Variants in CROCC observed in about 807,000 individuals in gnomAD.
CROCC encodes the protein ciliary rootlet coiled-coil, rootletin, also known as rootletin.
In CROCC, 180 loss-of-function variants were observed where a neutral mutation model predicts 245.2. That is an observed-to-expected ratio of 0.73 (90% CI 0.65 to 0.83). CROCC has a LOEUF of 0.83. Among genes scored for constraint, CROCC ranks in the 40% least tolerant of loss-of-function variants. The pLI is 0.00. For synonymous variants in CROCC, 1,205 were observed against 1,241.6 expected, an observed-to-expected ratio of 0.97 and a Z score of 0.62; for missense variants, 2,688 against 2,779.4, an observed-to-expected ratio of 0.97 and a Z score of 0.74.
rs775932495 is a variant in CROCC at position 16,946,910 on chromosome 1, G to A, written c.2433G>A (p.Ala811=). 1.2e-5 allele frequency: 18 copies of A among 1,564,532 alleles called. No individual in the cohort carries two copies. The highest frequency in any genetic ancestry group is 1.9e-5 in the Admixed American group (1 of 52,348). Residue 811 remains alanine, a synonymous_variant, in exon 17 of 37, where the codon GCG becomes GCA. Coordinates refer to ENST00000375541, the MANE Select transcript of CROCC (RefSeq NM_014675.5). ...RQGLEGSLRV[A]EQAQEALEQQ... is the part of the protein sequence containing the mutation. Reference sequence around the variant, plus strand: ...GCCTGGAGGGCTCCCTACGAGTGGCGGAGCAGGCCCAGGAGGCATTGGAGC... The same window carrying A: ...GCCTGGAGGGCTCCCTACGAGTGGCAGAGCAGGCCCAGGAGGCATTGGAGC...
At chr1:16,915,366 C>A (rs1163676267) in intron 1 of CROCC, among the ~76,000 whole-genome samples, 1 of 152,296 alleles carries the variant, frequency 6.6e-6, no homozygotes, top group African/African-American at 2.4e-5. Context: ...TTAGCCCATG[C>A]ACTGTGGAAG....
intron 36 of CROCC, 92 bp downstream of exon 36, chr1:16,971,739 A>T (rs2076525477): frequency 1.6e-6 from 2 of 1,256,666 alleles, no homozygotes; most frequent in Non-Finnish European, 1.1e-6. Flanking sequence ...GGGTATAGGC[A>T]GTCGATGGCT....
upstream of CROCC, among the ~76,000 whole-genome samples, chr1:16,917,053 G>A (rs1299281462): frequency 6.6e-6 from 1 of 152,296 alleles, no homozygotes; most frequent in African/African-American, 2.4e-5. Context: ...AGGAGGCGGA[G>A]GTTGCAGTCA....
chr1:16,937,225 T>C (rs1229333428), intron 9 of CROCC, among the ~76,000 whole-genome samples: 18 of 152,236 alleles, frequency 1.2e-4, no homozygotes, highest in Admixed American at 1.2e-3. Context: ...TGGTGGCGCG[T>C]GCCTGTAATC....
chr1:16,922,526 A>C lies in CROCC; in HGVS notation c.61-137A>C, dbSNP rs1311107242. ...TTTGCATGGGGATTTTTTGGATTCT[A>C]ACTCCCAGGCTTCACTCCATCTTGA... On this transcript the variant is annotated intron_variant, in intron 1 of 36. Coordinates refer to ENST00000375541, the MANE Select transcript of CROCC (RefSeq NM_014675.5). The C allele has an allele frequency of 3.9e-6, 5 of 1,297,912 alleles. No individual in the cohort carries two copies. In the African/African-American group the frequency reaches 4.4e-5, roughly 11 times the overall value. The allele number at this position is 1,297,912 out of a possible 1,614,324, so 80.4% of individuals were successfully genotyped here. A position where few individuals can be genotyped will look rare whatever the true frequency, so the allele number is the denominator to read the frequency against.
rs78709923 is a variant in CROCC at position 16,936,421 on chromosome 1, C to G, written c.957-216C>G. Among the ~76,000 whole-genome samples the G allele has an allele frequency of 3.3e-5, 5 of 152,388 alleles. No homozygotes were observed. The East Asian group carries it at 9.6e-4, about 29-fold the overall frequency. ...CGGCTGGGACTACAGAAGTGCGCCACCATGCCTGGCTAATTTTTTGTATTT... is the reference window on the plus strand; with the variant it reads ...CGGCTGGGACTACAGAAGTGCGCCAGCATGCCTGGCTAATTTTTTGTATTT... On this transcript the variant is annotated intron_variant, in intron 8 of 36. Coordinates refer to ENST00000375541, the MANE Select transcript of CROCC (RefSeq NM_014675.5).
chr1:16,925,995 A>C (rs1400002084), intron 3 of CROCC, among the ~76,000 whole-genome samples: 1 of 152,262 alleles, frequency 6.6e-6, no homozygotes, highest in Admixed American at 6.5e-5. Context: ...TTCTGAAGCT[A>C]GCCCTGCCCC....
In CROCC at chr1:16,970,430, G is replaced by A. The variant is rs1251554286; in HGVS notation, c.5629G>A (p.Ala1877Thr). Residue 1877 changes from alanine (A) to threonine (T), a missense_variant, in exon 34 of 37, where the codon GCC becomes ACC. By Grantham distance (58) the Ala-to-Thr change is moderately conservative. Around this residue, in one of 9 missense-constraint regions of CROCC, gnomAD observed 1,218 missense variants for 1,286.3 expected, o/e 0.95. Transcript: ENST00000375541. The part of the protein sequence containing the change: ...SALRLEKDRV[A>T]LRRTLDKVER... ...CCTGCGGCTGGAGAAGGACCGTGTAGCCCTCAGGAGGACGCTGGACAAGGT... is the reference window on the plus strand; with the variant it reads ...CCTGCGGCTGGAGAAGGACCGTGTAACCCTCAGGAGGACGCTGGACAAGGT... 2 of 1,596,648 alleles carry A rather than the reference G, an allele frequency of 1.3e-6. No homozygotes were observed. The highest frequency in any genetic ancestry group is 1.3e-5 in the African/African-American group (1 of 74,726).
chr1:16,948,906 T>G lies in CROCC; in HGVS notation c.2816T>G (p.Leu939Arg). ...GAAGCCGAGGGGCAGGCCCTGCTGC[T>G]GGCCAAGGAGACCCTGACTGGTACG... Reference protein sequence around the residue: ...QLEAEGQALLLAKETLTGELA... With the variant: ...QLEAEGQALLRAKETLTGELA... The change falls in exon 19 of 37, where the codon CTG becomes CGG. Residue 939 changes from leucine to arginine, a missense_variant. By Grantham distance (102) the Leu-to-Arg change is moderately radical. This residue lies in a region of CROCC where 20 missense variants were observed against 55.4 expected (regional missense o/e 0.36). Transcript: ENST00000375541. 2 of 1,611,548 alleles carry G rather than the reference T, an allele frequency of 1.2e-6. No homozygotes were observed. The highest frequency in any genetic ancestry group is 1.7e-6 in the Non-Finnish European group (2 of 1,179,948).
chr1:16,963,430 C>T (rs1252397098), intron 27 of CROCC, among the ~76,000 whole-genome samples: 2 of 152,000 alleles, frequency 1.3e-5, no homozygotes, highest in Admixed American at 6.6e-5. Context: ...GGGCTTGCTC[C>T]AATAGACATT....
intron 13 of CROCC, among the ~76,000 whole-genome samples, chr1:16,943,398 C>G (rs1458463033): frequency 6.6e-6 from 1 of 152,232 alleles, no homozygotes; most frequent in Non-Finnish European, 1.5e-5. Context: ...ATTACCCGGA[C>G]ATGGTGGCGG....
rs1372794552 is a variant in CROCC at position 16,946,412 on chromosome 1, T to C, written c.2283+7T>C. 1.6e-5 allele frequency: 26 copies of C among 1,608,978 alleles called. No individual in the cohort carries two copies. The highest frequency in any genetic ancestry group is 1.7e-5 in the Non-Finnish European group (20 of 1,178,176). On this transcript the variant is annotated splice_region_variant and intron_variant, in intron 16 of 36. Coordinates refer to ENST00000375541, the MANE Select transcript of CROCC (RefSeq NM_014675.5). Reference sequence around the variant, plus strand: ...GAACCGCCTTGTCGCCCAGGTACGCTGTGCACCTGCGGGCCCACCTGCCTT... The same window carrying C: ...GAACCGCCTTGTCGCCCAGGTACGCCGTGCACCTGCGGGCCCACCTGCCTT...
At chr1:16,967,833 T>G (rs1296116899) in intron 30 of CROCC, among the ~76,000 whole-genome samples, 1 of 152,150 alleles carries the variant, frequency 6.6e-6, no homozygotes, top group Non-Finnish European at 1.5e-5. Context: ...AGAAGGGCCT[T>G]GGAATCTGCA....
rs2076231241 is a variant in CROCC, at chr1:16,955,292, G to A, written c.3466-20G>A. 2 of 1,603,596 alleles carry A rather than the reference G, an allele frequency of 1.2e-6. No individual in the cohort carries two copies. ...GGGGGTCCCTGACCGCTGCCCTGGG[G>A]ACACCTGCTGTGCTCACAGGCAGAA... On this transcript the variant is annotated intron_variant, in intron 23 of 36. Coordinates refer to ENST00000375541, the MANE Select transcript of CROCC (RefSeq NM_014675.5).
upstream of CROCC, chr1:16,921,841 C>T (rs1207295074): frequency 4.7e-6 from 3 of 632,476 alleles, no homozygotes; most frequent in African/African-American, 5.6e-5. Flanking sequence ...TTCCCATCCC[C>T]TCCCTCCTCA....
At chr1:16,916,701 T>C (rs1360498054) in intron 1 of CROCC, among the ~76,000 whole-genome samples, 1 of 152,274 alleles carries the variant, frequency 6.6e-6, no homozygotes, top group Non-Finnish European at 1.5e-5. Flanking sequence ...TTGGCAGAGA[T>C]GGAGTCTCAC....
intron 3 of CROCC, among the ~76,000 whole-genome samples, chr1:16,927,105 A>ACG (rs1266495573): frequency 1.8e-4 from 28 of 151,848 alleles, no homozygotes; most frequent in African/African-American, 6.8e-4. Flanking sequence ...ACTGGGCCCC[A>ACG]CACAGACACA....
At position 16,955,297 on chromosome 1, in the gene CROCC, C is replaced by T. The variant is rs1405201398; in HGVS notation, c.3466-15C>T. 1 of 1,605,318 alleles carries T rather than the reference C, an allele frequency of 6.2e-7. No individual in the cohort carries two copies. The highest frequency in any genetic ancestry group is 1.1e-5 in the South Asian group (1 of 91,030). On this transcript the variant is annotated splice_polypyrimidine_tract_variant and intron_variant, in intron 23 of 36. Transcript: ENST00000375541. ...TCCCTGACCGCTGCCCTGGGGACAC[C>T]TGCTGTGCTCACAGGCAGAAGAGCT...
chr1:16,937,875 C>A, intron 10 of CROCC, 138 bp downstream of exon 10: 1 of 762,136 alleles, frequency 1.3e-6, no homozygotes, highest in Non-Finnish European at 2.2e-6. Flanking sequence ...CACAGGTGTG[C>A]AGGCTTTGTG....
Sources: allele counts gnomAD v4.1 joint callset (sites outside exome capture counted in the v4.1 genomes callset), GRCh38; gene constraint gnomAD v4.1.1; regional missense constraint gnomAD v4.1.1; transcripts MANE v1.5; gene names NCBI Gene and HGNC (gene_info 2026-07-23, HGNC 2026-07-21).